The following VAT1L variants were observed in gnomAD, a reference collection of about 807,000 sequenced individuals.
VAT1L encodes the protein vesicle amine transport 1 like.
Under a neutral mutation model 44.1 loss-of-function variants are expected in VAT1L, and 34 were observed. The observed-to-expected ratio is 0.77, with a 90% CI of 0.59 to 1.03. The LOEUF (loss-of-function observed/expected upper bound fraction) is 1.03, where lower values mean the gene tolerates loss of function less well. Among genes scored for constraint, VAT1L ranks in the 50% least tolerant of loss-of-function variants. The pLI is 0.00. For missense variants in VAT1L, 615 were observed against 538.8 expected (o/e 1.14, Z -1.40); for synonymous variants, 253 against 202.2 (o/e 1.25, Z -2.13).
chr16:77,853,869 C>T (rs966135267), intron 3 of VAT1L, among the ~76,000 whole-genome samples: 2 of 152,080 alleles, frequency 1.3e-5, no homozygotes, highest in South Asian at 2.1e-4. Context: ...GGCCGGGCGC[C>T]GTGACTCATA....
At chr16:77,956,874 T>G (rs975605578) in intron 7 of VAT1L, among the ~76,000 whole-genome samples, 2 of 152,224 alleles carry the variant, frequency 1.3e-5, no homozygotes, top group African/African-American at 4.8e-5. Flanking sequence ...TGACTAATTT[T>G]GCAGCCTAGG....
chr16:77,894,915 G>A (rs1180004639), intron 7 of VAT1L, among the ~76,000 whole-genome samples: 1 of 151,972 alleles, frequency 6.6e-6, no homozygotes, highest in Non-Finnish European at 1.5e-5. Flanking sequence ...CTAGCTGTGT[G>A]GCCTCAGAAA....
At chr16:77,930,027 A>G (rs1251693439) in intron 7 of VAT1L, among the ~76,000 whole-genome samples, 1 of 152,126 alleles carries the variant, frequency 6.6e-6, no homozygotes, top group African/African-American at 2.4e-5. Flanking sequence ...TTATTTCCAA[A>G]TGAACCTCCA....
rs1221337317 is a variant in VAT1L at position 77,978,110 on chromosome 16, G to C, written c.*415G>C. On this transcript the variant is annotated 3_prime_UTR_variant, in exon 9 of 9. Coordinates refer to ENST00000302536, the MANE Select transcript of VAT1L (RefSeq NM_020927.3). Reference sequence around the variant, plus strand: ...TTCCTCAGGCCAGTGACACTTTTTTGCTGCTGGCCACCCATGCCTCTGATG... The same window carrying C: ...TTCCTCAGGCCAGTGACACTTTTTTCCTGCTGGCCACCCATGCCTCTGATG... The C allele has an allele frequency of 1.2e-5, 2 of 162,614 alleles. No homozygotes were observed. The highest frequency in any genetic ancestry group is 2.7e-5 in the Non-Finnish European group (2 of 73,700). The allele number at this position is 162,614 out of a possible 1,614,324, so 10.1% of individuals were successfully genotyped here.
At chr16:77,919,179 CAT>C (rs1491118320) in intron 7 of VAT1L, among the ~76,000 whole-genome samples, 3 of 152,188 alleles carry the variant, frequency 2.0e-5, no homozygotes, top group South Asian at 4.1e-4. Context: ...TGTGCATGTG[CAT>C]GTGTGTGTGT....
chr16:77,921,518 T>A (rs1191687058), intron 7 of VAT1L, among the ~76,000 whole-genome samples: 1 of 152,170 alleles, frequency 6.6e-6, no homozygotes, highest in African/African-American at 2.4e-5. Flanking sequence ...ATTAGTTACA[T>A]TCCTATTTTT....
chr16:77,850,857 C>G (rs2016802066), intron 3 of VAT1L, among the ~76,000 whole-genome samples: 1 of 152,104 alleles, frequency 6.6e-6, no homozygotes, highest in African/African-American at 2.4e-5. Flanking sequence ...GATTTAGAGC[C>G]CTGTGAAGGG....
At chr16:77,818,744 C>T (rs1474403733) in intron 2 of VAT1L, among the ~76,000 whole-genome samples, 1 of 152,204 alleles carries the variant, frequency 6.6e-6, no homozygotes, top group Non-Finnish European at 1.5e-5. Flanking sequence ...AACTCTCTCC[C>T]TTCCAGTGAC....
At chr16:77,972,924 A>G (rs1276565839) in intron 8 of VAT1L, among the ~76,000 whole-genome samples, 2 of 151,922 alleles carry the variant, frequency 1.3e-5, no homozygotes, top group African/African-American at 4.8e-5. Context: ...GAGCTCAAGC[A>G]ATCTGCCTAC....
rs1165515069 is a variant in VAT1L, at chr16:77,878,892, AC to A, written c.827-276del. Among the ~76,000 whole-genome samples, 4 of 152,128 alleles carry A rather than the reference AC, an allele frequency of 2.6e-5. No individual in the cohort carries two copies. The East Asian group carries it at 7.7e-4, about 29-fold the overall frequency. On this transcript the variant is annotated intron_variant, in intron 5 of 8. Coordinates refer to ENST00000302536, the MANE Select transcript of VAT1L (RefSeq NM_020927.3). ...TTCAGCAACTCATCATTTTATTCAA[AC>A]GTTGGCCTACATCATATTTTTGCTA...
intron 7 of VAT1L, among the ~76,000 whole-genome samples, chr16:77,961,024 C>G (rs1303323290): frequency 1.3e-5 from 2 of 152,086 alleles, no homozygotes; most frequent in African/African-American, 4.8e-5. Flanking sequence ...ATCAGGAACT[C>G]TGCATTAATG....
At chr16:77,798,116 T>A (rs2015971436) in intron 1 of VAT1L, among the ~76,000 whole-genome samples, 1 of 152,188 alleles carries the variant, frequency 6.6e-6, no homozygotes, top group African/African-American at 2.4e-5. Flanking sequence ...TGCTAAACAA[T>A]GCTTCACCAA....
At chr16:77,934,333 C>G (rs2142505172) in intron 7 of VAT1L, among the ~76,000 whole-genome samples, 1 of 152,174 alleles carries the variant, frequency 6.6e-6, no homozygotes, top group Non-Finnish European at 1.5e-5. Context: ...TGACCCTGTT[C>G]TAATCCCTTG....
chr16:77,977,399 C>A (rs1482805009), intron 8 of VAT1L, among the ~76,000 whole-genome samples, 198 bp from the exon 9 acceptor site: 1 of 152,204 alleles, frequency 6.6e-6, no homozygotes, highest in Non-Finnish European at 1.5e-5. Flanking sequence ...ATTCCAGATA[C>A]TGGTATTCAA....
At chr16:77,897,586 TCAGCCTCCTGAGTAG>T (rs1205422975) in intron 7 of VAT1L, among the ~76,000 whole-genome samples, 1 of 152,180 alleles carries the variant, frequency 6.6e-6, no homozygotes, top group Non-Finnish European at 1.5e-5. Context: ...TGATCCTGCC[TCAGCCTCCTGAGTAG>T]CTGGGATTAC....
chr16:77,842,958 A>G lies in VAT1L; in HGVS notation c.579+17497A>G, dbSNP rs1223131346. On this transcript the variant is annotated intron_variant, in intron 3 of 8. Transcript: ENST00000302536. ...TGCATTCGTTATTTTATTTCTGCTCACAACTCTGTGAGGTATAGCGTATTC... is the reference window on the plus strand; with the variant it reads ...TGCATTCGTTATTTTATTTCTGCTCGCAACTCTGTGAGGTATAGCGTATTC... Among the ~76,000 whole-genome samples, 3 of 152,196 alleles carry G rather than the reference A, an allele frequency of 2.0e-5. No homozygotes were observed. The East Asian group carries it at 5.8e-4, about 29-fold the overall frequency.
At chr16:77,943,321 T>C (rs2017914269) in intron 7 of VAT1L, among the ~76,000 whole-genome samples, 1 of 151,646 alleles carries the variant, frequency 6.6e-6, no homozygotes, top group Non-Finnish European at 1.5e-5. Context: ...CCTCCCAAAG[T>C]GCTGCGATTA....
Position 77,819,594 on chromosome 16 carries a change from G to A in VAT1L, c.363+2544G>A, listed in dbSNP as rs551659990. Among the ~76,000 whole-genome samples, 89 of 152,208 alleles carry A rather than the reference G, an allele frequency of 5.8e-4. 2 individuals carry two copies. In the South Asian group the frequency reaches 0.018, roughly 31 times the overall value. On this transcript the variant is annotated intron_variant, in intron 2 of 8. Coordinates refer to ENST00000302536, the MANE Select transcript of VAT1L (RefSeq NM_020927.3). ...GACAGGGTTTCACCGTGTTGGCCAG[G>A]CTGGTCTCGAACTCCTGACCTCAGG... is the stretch of plus-strand genomic sequence containing the variant.
intron 7 of VAT1L, among the ~76,000 whole-genome samples, chr16:77,941,264 C>G (rs2017879912): frequency 1.3e-5 from 2 of 152,142 alleles, no homozygotes; most frequent in Non-Finnish European, 1.5e-5. Flanking sequence ...CAGAAATACC[C>G]AGTGGCAGCT....
Sources: allele counts gnomAD v4.1 joint callset (sites outside exome capture counted in the v4.1 genomes callset), GRCh38; gene constraint gnomAD v4.1.1; transcripts MANE v1.5; gene names NCBI Gene and HGNC (gene_info 2026-07-23, HGNC 2026-07-21).